Variants in CTNNAL1 observed in about 807,000 individuals in gnomAD.
The protein encoded by CTNNAL1 is catenin alpha like 1.
CTNNAL1 carries 69 observed loss-of-function variants against 93.6 expected under a neutral mutation model. The ratio of observed to expected loss-of-function variants is 0.74; its 90% CI spans 0.61 to 0.90. The LOEUF (loss-of-function observed/expected upper bound fraction) is 0.90, where lower values mean the gene tolerates loss of function less well. Among genes scored for constraint, CTNNAL1 ranks in the 40% least tolerant of loss-of-function variants. The probability of loss-of-function intolerance (pLI) is 0.00; values close to 1 mark genes in which losing one functional copy is unlikely to be tolerated. For synonymous variants in CTNNAL1, 286 were observed against 305.4 expected (o/e 0.94, Z 0.66); for missense variants, 836 against 862.0 (o/e 0.97, Z 0.38).
At chr9:108,975,653 T>A (rs1831246966) in intron 8 of CTNNAL1, among the ~76,000 whole-genome samples, 1 of 152,142 alleles carries the variant, frequency 6.6e-6, no homozygotes, top group African/African-American at 2.4e-5. Context: ...TAAATAATGA[T>A]TAACATTCTA....
chr9:108,987,481 C>T (rs1026963361), intron 4 of CTNNAL1, among the ~76,000 whole-genome samples: 2 of 152,082 alleles, frequency 1.3e-5, no homozygotes, highest in African/African-American at 4.8e-5. Flanking sequence ...CAGCTTTGTT[C>T]TTTTGGCTTA....
intron 3 of CTNNAL1, chr9:108,991,781 C>T (rs1831816474): frequency 2.7e-6 from 1 of 364,894 alleles, no homozygotes; most frequent in African/African-American, 2.2e-5. Context: ...GTGGTTTTAT[C>T]CTCAAATCCT....
intron 12 of CTNNAL1, among the ~76,000 whole-genome samples, chr9:108,953,371 T>C (rs1013904636): frequency 1.3e-5 from 2 of 152,190 alleles, no homozygotes; most frequent in African/African-American, 2.4e-5. Flanking sequence ...AAAGCTCCCA[T>C]GGTAGAGGCA....
chr9:108,988,087 C>T (rs1434680274), intron 4 of CTNNAL1, among the ~76,000 whole-genome samples: 1 of 152,086 alleles, frequency 6.6e-6, no homozygotes, highest in Non-Finnish European at 1.5e-5. Flanking sequence ...TCACCACTGC[C>T]ACTTTCTTTT....
At chr9:108,971,357 T>C (rs1363543528) in intron 9 of CTNNAL1, among the ~76,000 whole-genome samples, 2 of 152,240 alleles carry the variant, frequency 1.3e-5, no homozygotes, top group African/African-American at 4.8e-5. Context: ...AAATACCTCA[T>C]ACATACAAGC....
At chr9:108,972,864 G>GGGGGGCCCCC in intron 8 of CTNNAL1, 31 bp from the exon 9 acceptor site, 72 of 142,258 alleles carry the variant, frequency 5.1e-4, no homozygotes, top group Non-Finnish European at 6.6e-4. Flanking sequence ...GGGGGGGTGG[G>GGGGGGCCCCC]AGGGTGGAGA....
At chr9:108,986,847 T>A (rs1438195351) in intron 4 of CTNNAL1, among the ~76,000 whole-genome samples, 1 of 152,252 alleles carries the variant, frequency 6.6e-6, no homozygotes, top group African/African-American at 2.4e-5. Context: ...TGTCTGTTCA[T>A]ATCCTTTGCC....
chr9:108,972,864 G>GGGGGGGCGCCCCCCCCCC, intron 8 of CTNNAL1, 31 bp from the exon 9 acceptor site: 7 of 142,542 alleles, frequency 4.9e-5, no homozygotes, highest in Non-Finnish European at 7.0e-5. Flanking sequence ...GGGGGGGTGG[G>GGGGGGGCGCCCCCCCCCC]AGGGTGGAGA....
intron 11 of CTNNAL1, among the ~76,000 whole-genome samples, chr9:108,956,171 T>C (rs1830684026): frequency 6.6e-6 from 1 of 152,204 alleles, no homozygotes; most frequent in Non-Finnish European, 1.5e-5. Context: ...TGAAACCTGA[T>C]TCCTCTTTTA....
chr9:109,011,972 G>T (rs1463848245), intron 1 of CTNNAL1, among the ~76,000 whole-genome samples: 1 of 152,184 alleles, frequency 6.6e-6, no homozygotes, highest in Admixed American at 6.5e-5. Context: ...TCTCGTTTTG[G>T]TTGTGTTGTG....
At chr9:108,971,055 G>C (rs765708971) in intron 9 of CTNNAL1, among the ~76,000 whole-genome samples, 17 of 151,832 alleles carry the variant, frequency 1.1e-4, no homozygotes, top group Non-Finnish European at 2.4e-4. Context: ...AAAAAGATTT[G>C]CTGCAAGATT....
At chr9:109,004,812 A>AATAC (rs1386065896) in intron 1 of CTNNAL1, among the ~76,000 whole-genome samples, 2 of 152,068 alleles carry the variant, frequency 1.3e-5, no homozygotes, top group Non-Finnish European at 2.9e-5. Flanking sequence ...TAAATAAATA[A>AATAC]ATAAGAAGAG....
intron 4 of CTNNAL1, among the ~76,000 whole-genome samples, chr9:108,990,430 T>C (rs969691167): frequency 6.6e-5 from 10 of 152,168 alleles, no homozygotes; most frequent in African/African-American, 2.2e-4. Flanking sequence ...AATGGAAAGC[T>C]TCATAAAAGA....
intron 8 of CTNNAL1, 31 bp from the exon 9 acceptor site, chr9:108,972,864 G>GGGGCGCCCC: frequency 7.0e-6 from 1 of 142,578 alleles, no homozygotes; most frequent in Non-Finnish European, 1.0e-5. Flanking sequence ...GGGGGGGTGG[G>GGGGCGCCCC]AGGGTGGAGA....
intron 11 of CTNNAL1, among the ~76,000 whole-genome samples, chr9:108,964,316 A>G (rs1395577792): frequency 6.6e-6 from 1 of 152,202 alleles, no homozygotes; most frequent in Non-Finnish European, 1.5e-5. Context: ...TTAAAATATG[A>G]AATGTTTAAA....
intron 7 of CTNNAL1, 146 bp downstream of exon 7, chr9:108,979,135 A>G (rs1831347578): frequency 2.9e-6 from 3 of 1,032,662 alleles, no homozygotes; most frequent in South Asian, 3.4e-5. Flanking sequence ...ATTTTGGCCA[A>G]CTAGGAGGGA....
intron 14 of CTNNAL1, 108 bp from the exon 15 acceptor site, chr9:108,948,342 T>G (rs1056032962): frequency 3.9e-5 from 39 of 1,008,816 alleles, no homozygotes; most frequent in Non-Finnish European, 5.4e-5. Flanking sequence ...TCCTAAATTT[T>G]GAAGAATAAT....
At chr9:108,944,126 A>G in intron 15 of CTNNAL1, 108 bp from the exon 16 acceptor site, 4 of 1,108,912 alleles carry the variant, frequency 3.6e-6, no homozygotes, top group Non-Finnish European at 5.1e-6. Flanking sequence ...TAAAGCCTAG[A>G]TATAAAAAGT....
intron 4 of CTNNAL1, among the ~76,000 whole-genome samples, chr9:108,985,969 C>G (rs972578064): frequency 1.3e-5 from 2 of 152,122 alleles, no homozygotes; most frequent in African/African-American, 4.8e-5. Flanking sequence ...CATCCCAATA[C>G]CTCCAGAAGT....
Sources: gnomAD v4.1 joint callset for allele counts (sites outside exome capture counted in the v4.1 genomes callset) on GRCh38, gnomAD v4.1.1 for gene constraint, MANE v1.5 for transcripts, NCBI Gene and HGNC (gene_info 2026-07-23, HGNC 2026-07-21) for gene names.